Variants in RTTN observed in about 807,000 individuals in gnomAD.
RTTN encodes rotatin.
Under a neutral mutation model 269.2 loss-of-function variants are expected in RTTN, and 182 were observed. The ratio of observed to expected loss-of-function variants is 0.68; its 90% CI spans 0.60 to 0.76. The LOEUF (loss-of-function observed/expected upper bound fraction) is 0.76, where lower values mean the gene tolerates loss of function less well. RTTN is among the 30% of genes least tolerant of loss of function. RTTN has a pLI of 0.00. For synonymous variants in RTTN, 1,006 were observed against 963.5 expected (o/e 1.04, Z -0.82); for missense variants, 2,545 against 2,608.6 (o/e 0.98, Z 0.53).
chr18:70,088,772 T>C (rs114345743), intron 30 of RTTN, among the ~76,000 whole-genome samples: 2 of 152,144 alleles, frequency 1.3e-5, no homozygotes, highest in East Asian at 1.9e-4. Flanking sequence ...AATGCAGTCA[T>C]AAAATTGTCA....
intron 28 of RTTN, among the ~76,000 whole-genome samples, chr18:70,093,532 A>G (rs2058911065): frequency 6.6e-6 from 1 of 152,164 alleles, no homozygotes; most frequent in Non-Finnish European, 1.5e-5. Context: ...ATTTTATCGA[A>G]AGACTTTTCT....
intron 1 of RTTN, 122 bp from the exon 2 acceptor site, chr18:70,205,437 G>C: frequency 2.9e-6 from 4 of 1,392,202 alleles, no homozygotes; most frequent in Non-Finnish European, 3.0e-6. Context: ...GCAGGCCACT[G>C]GTGCCTTCGG....
In RTTN at chr18:70,112,543, A is replaced by T. The variant is rs75293540; in HGVS notation, c.3683+1902T>A. Among the ~76,000 whole-genome samples the T allele has an allele frequency of 8.4e-3, 1,269 of 150,974 alleles. 22 individuals carry two copies. Among genetic ancestry groups the T allele is most frequent in the African/African-American group, 0.029 (1,188 of 41,344 alleles). The stretch of plus-strand genomic sequence containing the variant: ...TTATCTCTGATACAAAAGACTTAAA[A>T]CCAACAAAGATCAAAAGAGAAAAAG... On this transcript the variant is annotated intron_variant, in intron 27 of 48. Coordinates refer to ENST00000640769, the MANE Select transcript of RTTN (RefSeq NM_173630.4).
At chr18:70,200,163 C>T (rs2061912564) in intron 4 of RTTN, among the ~76,000 whole-genome samples, 1 of 152,156 alleles carries the variant, frequency 6.6e-6, no homozygotes, top group African/African-American at 2.4e-5. Flanking sequence ...GTCTTTCTGC[C>T]AAGTGCTTTG....
rs763915858 is a variant in RTTN at position 70,127,513 on chromosome 18, G to C, written c.3372C>G (p.Thr1124=). 1 of 1,613,162 alleles carries C rather than the reference G, an allele frequency of 6.2e-7. No homozygotes were observed. The highest frequency in any genetic ancestry group is 1.7e-5 in the Admixed American group (1 of 59,830). The change falls in exon 25 of 49, where the codon ACC becomes ACG. Residue 1124 remains threonine (T), a synonymous_variant. Coordinates refer to ENST00000640769, the MANE Select transcript of RTTN (RefSeq NM_173630.4). The part of the protein sequence containing the change: ...GVTLKSLAWH[T]ALNRFLQVLP... Reference sequence around the variant, plus strand: ...GACCTTACACTGACCTGTTTAGTGCGGTGTGCCAAGCCAAGGACTTCAAGG... The same window carrying C: ...GACCTTACACTGACCTGTTTAGTGCCGTGTGCCAAGCCAAGGACTTCAAGG...
chr18:70,059,925 T>C lies in RTTN; in HGVS notation c.4865A>G (p.Asp1622Gly). The stretch of plus-strand genomic sequence containing the variant: ...TCTGGGAGCAATCGTCAAGAGGTTG[T>C]CCAAGAGGCTGCACATTGCTGAAAG... ...SLLSAMCSLL[D>G]NLLTIAPRDT... The change falls in exon 36 of 49, where the codon GAC becomes GGC. Residue 1622 changes from aspartate to glycine, a missense_variant. Physicochemically the swap from Asp to Gly is moderately conservative, Grantham distance 94. Coordinates refer to ENST00000640769, the MANE Select transcript of RTTN (RefSeq NM_173630.4). 1 of 1,613,962 alleles carries C rather than the reference T, an allele frequency of 6.2e-7. No individual in the cohort carries two copies. Among genetic ancestry groups the C allele is most frequent in the South Asian group, 1.1e-5 (1 of 91,054 alleles).
intron 38 of RTTN, 114 bp downstream of exon 38, chr18:70,054,017 A>G: frequency 1.1e-6 from 1 of 871,490 alleles, no homozygotes. Flanking sequence ...GCCTTCCAAA[A>G]TACTAGCAAA....
chr18:70,064,215 G>A (rs1420125677), intron 35 of RTTN, among the ~76,000 whole-genome samples: 1 of 150,676 alleles, frequency 6.6e-6, no homozygotes, highest in Non-Finnish European at 1.5e-5. Context: ...GCACACCTCT[G>A]TAATCCCAGC....
rs75137056 is a variant in RTTN, at chr18:70,075,143, A to C, written c.4564+209T>G. The C allele has an allele frequency of 9.1e-3, 3,620 of 396,916 alleles. 111 individuals are homozygous for C. Among genetic ancestry groups the C allele is most frequent in the African/African-American group, 0.066 (3,163 of 47,672 alleles). The allele number at this position is 396,916 out of a possible 1,614,324, so 24.6% of individuals were successfully genotyped here. On this transcript the variant is annotated intron_variant, in intron 33 of 48. Coordinates refer to ENST00000640769, the MANE Select transcript of RTTN (RefSeq NM_173630.4). ...AGAAGGAAATACAAAAATGTACACA[A>C]GATATGAACATAATTACATAAAACA...
At chr18:70,062,964 T>C (rs2058033245) in intron 35 of RTTN, among the ~76,000 whole-genome samples, 1 of 152,192 alleles carries the variant, frequency 6.6e-6, no homozygotes, top group African/African-American at 2.4e-5. Context: ...TATATGTTTA[T>C]CATTATCTAT....
chr18:70,101,293 G>A (rs1173045398), intron 28 of RTTN, among the ~76,000 whole-genome samples: 3 of 152,094 alleles, frequency 2.0e-5, no homozygotes, highest in Admixed American at 2.0e-4. Flanking sequence ...CTTCTTCCTG[G>A]TTTAGTCTTC....
chr18:70,117,012 A>C (rs1213529580), intron 26 of RTTN, among the ~76,000 whole-genome samples: 1 of 36,892 alleles, frequency 2.7e-5, no homozygotes, highest in Non-Finnish European at 1.9e-4. Context: ...GAGGTGCAAT[A>C]AACTCCTAAA....
At chr18:70,018,424 G>GTTA (rs1220028961) in intron 45 of RTTN, among the ~76,000 whole-genome samples, 1 of 152,164 alleles carries the variant, frequency 6.6e-6, no homozygotes, top group Non-Finnish European at 1.5e-5. Context: ...GGAAACCACA[G>GTTA]TTAGGTGGAC....
chr18:70,205,544 G>A (rs1381654633), intron 1 of RTTN, 84 bp downstream of exon 1: 2 of 1,568,256 alleles, frequency 1.3e-6, no homozygotes, highest in Non-Finnish European at 8.8e-7. Context: ...CGGAGCGGCC[G>A]GCCGCGGAAA....
chr18:70,162,627 C>A (rs1036679287), intron 14 of RTTN, among the ~76,000 whole-genome samples: 1 of 152,088 alleles, frequency 6.6e-6, no homozygotes, highest in Non-Finnish European at 1.5e-5. Context: ...ATGGGGGAAA[C>A]TGCCCCCATG....
chr18:70,169,560 A>G (rs1264479395), intron 11 of RTTN, among the ~76,000 whole-genome samples: 1 of 152,198 alleles, frequency 6.6e-6, no homozygotes, highest in Non-Finnish European at 1.5e-5. Context: ...ATTGATTTGA[A>G]CAGAAACGAA....
At chr18:70,046,569 T>C (rs984502397) in intron 40 of RTTN, among the ~76,000 whole-genome samples, 19 of 152,276 alleles carry the variant, frequency 1.2e-4, no homozygotes, top group African/African-American at 3.6e-4. Context: ...CAGTTAATCA[T>C]TGGGAAATAA....
chr18:70,095,005 A>G (rs2058960391), intron 28 of RTTN, among the ~76,000 whole-genome samples: 1 of 150,774 alleles, frequency 6.6e-6, no homozygotes, highest in Non-Finnish European at 1.5e-5. Flanking sequence ...GTGCATATAT[A>G]TTTAGGACAG....
Position 70,079,957 on chromosome 18 carries a change from T to G in RTTN, c.4375-4416A>C, listed in dbSNP as rs187461798. Among the ~76,000 whole-genome samples the G allele has an allele frequency of 2.6e-5, 4 of 152,188 alleles. No individual in the cohort carries two copies. In the East Asian group the frequency reaches 7.7e-4, roughly 29 times the overall value. On this transcript the variant is annotated intron_variant, in intron 32 of 48. Coordinates refer to ENST00000640769, the MANE Select transcript of RTTN (RefSeq NM_173630.4). Reference sequence around the variant, plus strand: ...ATTTTCAAGGAGAAAAATGAATTATTGTCATATATAACAAAAATGCTATAA... The same window carrying G: ...ATTTTCAAGGAGAAAAATGAATTATGGTCATATATAACAAAAATGCTATAA...
Sources: gnomAD v4.1 joint callset for allele counts (sites outside exome capture counted in the v4.1 genomes callset) on GRCh38, gnomAD v4.1.1 for gene constraint, MANE v1.5 for transcripts, NCBI Gene and HGNC (gene_info 2026-07-23, HGNC 2026-07-21) for gene names.